Variants in CSMD1 observed in about 807,000 individuals in gnomAD.
CSMD1 encodes the protein CUB and sushi domain-containing protein 1.
A neutral mutation model predicts 417.5 loss-of-function variants in CSMD1; 213 were observed. That is an observed-to-expected ratio of 0.51 (90% CI 0.46 to 0.57). The LOEUF is 0.57. CSMD1 is among the 20% of genes least tolerant of loss of function. CSMD1 has a pLI of 0.00. For synonymous variants in CSMD1, 2,862 were observed against 1,736.8 expected (o/e 1.65, Z -16.11); for missense variants, 6,923 against 4,529.7 (o/e 1.53, Z -15.17).
chr8:4,066,763 T>C (rs1036055596), intron 3 of CSMD1, among the ~76,000 whole-genome samples: 1 of 152,008 alleles, frequency 6.6e-6, no homozygotes, highest in Non-Finnish European at 1.5e-5. Flanking sequence ...CACAAGCAAA[T>C]ACGGAAAGGG....
At chr8:3,223,077 A>C (rs573540745) in intron 28 of CSMD1, among the ~76,000 whole-genome samples, 8 of 152,340 alleles carry the variant, frequency 5.3e-5, no homozygotes, top group African/African-American at 9.6e-5. Flanking sequence ...TCAAAGTCTA[A>C]AGTTAGAAAA....
chr8:4,802,496 C>T (rs983253767), intron 1 of CSMD1, among the ~76,000 whole-genome samples: 3 of 150,432 alleles, frequency 2.0e-5, no homozygotes, highest in African/African-American at 4.9e-5. Context: ...AAAAACAAGA[C>T]ACCACTTAAG....
Position 3,919,395 on chromosome 8 carries a change from C to A in CSMD1, c.818+78508G>T, listed in dbSNP as rs528073509. Among the ~76,000 whole-genome samples the A allele has an allele frequency of 1.3e-4, 20 of 152,176 alleles. 1 individual carries two copies. The South Asian group carries it at 4.2e-3, about 32-fold the overall frequency. On this transcript the variant is annotated intron_variant, in intron 5 of 69. Transcript: ENST00000635120. ...CAATCTCATGTGTTGAAGAGACTCT[C>A]TTTTCCCCCATTGTGTCTTTTTGGC...
chr8:3,482,046 A>T (rs1817778560), intron 11 of CSMD1, among the ~76,000 whole-genome samples: 1 of 152,240 alleles, frequency 6.6e-6, no homozygotes, highest in South Asian at 2.1e-4. Context: ...AATACATGAA[A>T]TATACCACAA....
intron 10 of CSMD1, among the ~76,000 whole-genome samples, chr8:3,516,905 A>G (rs990933524): frequency 6.6e-5 from 10 of 152,226 alleles, no homozygotes; most frequent in African/African-American, 2.4e-4. Flanking sequence ...TCACAACTGC[A>G]AAATCGTAGA....
chr8:3,431,419 T>G lies in CSMD1; in HGVS notation c.1562-21814A>C, dbSNP rs117903197. Among the ~76,000 whole-genome samples the G allele has an allele frequency of 9.1e-3, 1,393 of 152,296 alleles. 7 individuals are homozygous for G. Among genetic ancestry groups the G allele is most frequent in the Non-Finnish European group, 0.016 (1,075 of 68,020 alleles). On this transcript the variant is annotated intron_variant, in intron 12 of 69. Transcript: ENST00000635120. ...GTGTGCCGCTTTTGTATTCCCAGTTTGTCTTTTCCCGGAAGTCAGCATGTC... is the reference window on the plus strand; with the variant it reads ...GTGTGCCGCTTTTGTATTCCCAGTTGGTCTTTTCCCGGAAGTCAGCATGTC...
chr8:3,286,703 A>C (rs1411493874), intron 25 of CSMD1, among the ~76,000 whole-genome samples: 2 of 151,628 alleles, frequency 1.3e-5, no homozygotes, highest in Admixed American at 1.3e-4. Flanking sequence ...GTTAGAGTTC[A>C]TTGTAGATTC....
At chr8:4,951,482 G>A (rs1185421280) in intron 1 of CSMD1, among the ~76,000 whole-genome samples, 2 of 147,304 alleles carry the variant, frequency 1.4e-5, no homozygotes, top group Non-Finnish European at 3.0e-5. Flanking sequence ...GGAAGGAAAA[G>A]GAAACAGAAC....
rs369445652 is a variant in CSMD1 at position 3,574,907 on chromosome 8, G to A, written c.1344+38C>T. The A allele has an allele frequency of 6.3e-5, 102 of 1,606,806 alleles. No homozygotes were observed. The African/African-American group carries it at 1.3e-3, about 20-fold the overall frequency. ...CAACAATAGATCCTATAAGAGTGCT[G>A]TGTGCATTAACCACAGGGGTTGGAG... On this transcript the variant is annotated intron_variant, in intron 10 of 69. Transcript: ENST00000635120.
Position 3,524,442 on chromosome 8 carries a change from C to T in CSMD1, c.1345-30716G>A, listed in dbSNP as rs572376841. 1.8e-4 allele frequency among the ~76,000 whole-genome samples: 27 copies of T among 151,756 alleles called. No homozygotes were observed. In the East Asian group the frequency reaches 2.2e-3, roughly 12 times the overall value. On this transcript the variant is annotated intron_variant, in intron 10 of 69. Transcript: ENST00000635120. ...ACAACCAGACACATCTGCATCTGCA[C>T]GCACACATGCACATATGCATGCACA... is the stretch of plus-strand genomic sequence containing the variant.
intron 4 of CSMD1, among the ~76,000 whole-genome samples, chr8:4,025,578 A>T (rs1421324797): frequency 6.6e-6 from 1 of 152,232 alleles, no homozygotes; most frequent in Non-Finnish European, 1.5e-5. Context: ...CATGCCTGTA[A>T]GAAGTGAAAC....
chr8:4,959,060 G>A (rs1399287123), intron 1 of CSMD1, among the ~76,000 whole-genome samples: 2 of 152,026 alleles, frequency 1.3e-5, no homozygotes, highest in Non-Finnish European at 2.9e-5. Context: ...GTCATCAAAT[G>A]GAAGATGATT....
intron 5 of CSMD1, among the ~76,000 whole-genome samples, chr8:3,978,523 A>G (rs1813615184): frequency 6.6e-6 from 1 of 152,132 alleles, no homozygotes; most frequent in African/African-American, 2.4e-5. Context: ...AGCCTGAAAC[A>G]CACTTATGTG....
rs1044962340 is a variant in CSMD1, at chr8:4,634,181, T to C, written c.302+3161A>G. On this transcript the variant is annotated intron_variant, in intron 2 of 69. Coordinates refer to ENST00000635120, the MANE Select transcript of CSMD1 (RefSeq NM_033225.6). ...GGGTGCCCAAATCATATATGTATTGTTGGTGTGTTTGTACTAAAGAAATAA... is the reference window on the plus strand; with the variant it reads ...GGGTGCCCAAATCATATATGTATTGCTGGTGTGTTTGTACTAAAGAAATAA... 3.0e-4 allele frequency among the ~76,000 whole-genome samples: 45 copies of C among 152,268 alleles called. 2 individuals carry two copies. The highest frequency in any genetic ancestry group is 2.0e-3 in the Admixed American group (31 of 15,284).
At chr8:4,540,482 T>C (rs1370642833) in intron 2 of CSMD1, among the ~76,000 whole-genome samples, 1 of 152,124 alleles carries the variant, frequency 6.6e-6, no homozygotes, top group Non-Finnish European at 1.5e-5. Flanking sequence ...GGCAGGAGAA[T>C]GGCTTGAGCC....
chr8:3,629,888 C>T (rs1278952542), intron 7 of CSMD1, among the ~76,000 whole-genome samples: 1 of 152,158 alleles, frequency 6.6e-6, no homozygotes, highest in Non-Finnish European at 1.5e-5. Flanking sequence ...CGTGCCTTTT[C>T]ACTTAGAAAA....
chr8:3,909,081 A>G lies in CSMD1; in HGVS notation c.818+88822T>C, dbSNP rs17067911. Among the ~76,000 whole-genome samples the G allele has an allele frequency of 5.3e-3, 805 of 152,294 alleles. 12 individuals are homozygous for G. The highest frequency in any genetic ancestry group is 0.019 in the African/African-American group (773 of 41,550). ...GCTGAGAAGGCCTTTGGAGAATTCT[A>G]GTGAACAAGTCCACTGGGCTGGAGA... is the stretch of plus-strand genomic sequence containing the variant. On this transcript the variant is annotated intron_variant, in intron 5 of 69. Transcript: ENST00000635120.
chr8:4,713,331 G>C (rs1160040632), intron 1 of CSMD1, among the ~76,000 whole-genome samples: 2 of 152,128 alleles, frequency 1.3e-5, no homozygotes, highest in Non-Finnish European at 1.5e-5. Flanking sequence ...CGGTGGTGTG[G>C]TGTCTTGCCA....
chr8:4,651,318 G>T (rs114329214), intron 1 of CSMD1, among the ~76,000 whole-genome samples: 2,794 of 152,156 alleles, frequency 0.018, 81 homozygotes, highest in African/African-American at 0.063. Flanking sequence ...AGAAAAAAAA[G>T]TGTTGACAAA....
Sources: gnomAD v4.1 joint callset for allele counts (sites outside exome capture counted in the v4.1 genomes callset) on GRCh38, gnomAD v4.1.1 for gene constraint, MANE v1.5 for transcripts, NCBI Gene and HGNC (gene_info 2026-07-23, HGNC 2026-07-21) for gene names.